The following ANKRD55 variants were observed in gnomAD, a reference collection of about 807,000 sequenced individuals.
ANKRD55 encodes ankyrin repeat domain-containing protein 55.
ANKRD55 carries 41 observed loss-of-function variants against 60.6 expected under a neutral mutation model. The ratio of observed to expected loss-of-function variants is 0.68; its 90% CI spans 0.53 to 0.88. ANKRD55 has a LOEUF of 0.88. Ranked by LOEUF, ANKRD55 falls within the 40% of genes least tolerant of loss-of-function variation. The probability of loss-of-function intolerance (pLI) is 0.00; values close to 1 mark genes in which losing one functional copy is unlikely to be tolerated. For synonymous variants in ANKRD55, 264 were observed against 290.3 expected (o/e 0.91, Z 0.92); for missense variants, 732 against 767.6 (o/e 0.95, Z 0.55).
At position 56,193,923 on chromosome 5, in the gene ANKRD55, T is replaced by C. The variant is rs147008749; in HGVS notation, c.59-10289A>G. 9.0e-3 allele frequency among the ~76,000 whole-genome samples: 1,368 copies of C among 152,340 alleles called. 20 individuals carry two copies. The highest frequency in any genetic ancestry group is 0.031 in the African/African-American group (1,304 of 41,574). On this transcript the variant is annotated intron_variant, in intron 2 of 11. Transcript: ENST00000341048. Reference sequence around the variant, plus strand: ...AGGAACTAGAAAAGAGATTTTGTTGTCTATTTTTGACCATCTGTATTATTG... The same window carrying C: ...AGGAACTAGAAAAGAGATTTTGTTGCCTATTTTTGACCATCTGTATTATTG...
At chr5:56,163,326 G>T (rs1189576506) in intron 5 of ANKRD55, among the ~76,000 whole-genome samples, 3 of 152,080 alleles carry the variant, frequency 2.0e-5, no homozygotes, top group Admixed American at 6.6e-5. Flanking sequence ...TTGCTGTTCT[G>T]TGGTATGGAG....
chr5:56,218,723 T>C (rs1415330587), intron 2 of ANKRD55, among the ~76,000 whole-genome samples: 1 of 152,136 alleles, frequency 6.6e-6, no homozygotes, highest in Non-Finnish European at 1.5e-5. Flanking sequence ...GGTATACCTG[T>C]ATTAGGTCAA....
At chr5:56,167,665 C>A (rs932367839) in intron 5 of ANKRD55, among the ~76,000 whole-genome samples, 2 of 152,164 alleles carry the variant, frequency 1.3e-5, no homozygotes, top group Non-Finnish European at 2.9e-5. Context: ...TAACTAACTA[C>A]GTCATCTGCA....
intron 2 of ANKRD55, among the ~76,000 whole-genome samples, chr5:56,197,682 A>G (rs1446275699): frequency 5.3e-5 from 8 of 152,142 alleles, no homozygotes; most frequent in Non-Finnish European, 8.8e-5. Context: ...TTCTAGTGGA[A>G]AGTTCATAGA....
chr5:56,111,632 C>T lies in ANKRD55; in HGVS notation c.1116G>A (p.Glu372=), dbSNP rs776216548. ...TGTCATTGACTTCTGAGGTGTCCTCCTCTCTGTATCGGTCCCTGCTGGGAT... is the reference window on the plus strand; with the variant it reads ...TGTCATTGACTTCTGAGGTGTCCTCTTCTCTGTATCGGTCCCTGCTGGGAT... The part of the protein sequence containing the change: ...QKDPSRDRYR[E]EDTSEVNDII... The change falls in exon 10 of 12, where the codon GAG becomes GAA. Residue 372 remains glutamate (E), a synonymous_variant. Transcript: ENST00000341048. 13 of 1,562,482 alleles carry T rather than the reference C, an allele frequency of 8.3e-6. No homozygotes were observed. In the South Asian group the frequency reaches 8.8e-5, roughly 11 times the overall value.
chr5:56,110,909 T>C (rs1580939961), intron 10 of ANKRD55: 2 of 597,176 alleles, frequency 3.3e-6, no homozygotes, highest in South Asian at 4.2e-5. Flanking sequence ...TTGTACTTGA[T>C]GATTACTTGA....
chr5:56,128,486 T>C (rs1473382127), intron 7 of ANKRD55, among the ~76,000 whole-genome samples: 5 of 152,208 alleles, frequency 3.3e-5, no homozygotes, highest in Non-Finnish European at 7.3e-5. Context: ...CCTCTCTGGA[T>C]AAGTAAAGAC....
chr5:56,229,348 G>A (rs1385586270), intron 2 of ANKRD55, among the ~76,000 whole-genome samples: 1 of 152,114 alleles, frequency 6.6e-6, no homozygotes, highest in Non-Finnish European at 1.5e-5. Context: ...TTGCTATGGT[G>A]AAAGCTGAAG....
At chr5:56,222,012 C>A (rs376785721) in intron 2 of ANKRD55, among the ~76,000 whole-genome samples, 1 of 152,160 alleles carries the variant, frequency 6.6e-6, no homozygotes, top group Non-Finnish European at 1.5e-5. Context: ...TCTCCCAGCA[C>A]GGAGTTTGAG....
chr5:56,140,270 C>T (rs1757724372), intron 7 of ANKRD55, among the ~76,000 whole-genome samples: 1 of 152,182 alleles, frequency 6.6e-6, no homozygotes, highest in Non-Finnish European at 1.5e-5. Flanking sequence ...ATAATGATTT[C>T]AGCTGACATT....
Position 56,100,088 on chromosome 5 carries a change from T to C in ANKRD55, c.*95A>G. The C allele has an allele frequency of 6.5e-7, 1 of 1,541,132 alleles. No individual in the cohort carries two copies. The highest frequency in any genetic ancestry group is 8.9e-7 in the Non-Finnish European group (1 of 1,121,036). ...TGATGGCTTATAGAATGCAGCTTAC[T>C]AAATTGGTCTTCGTTCTTACAAACT... On this transcript the variant is annotated 3_prime_UTR_variant, in exon 12 of 12. Transcript: ENST00000341048.
At chr5:56,215,225 G>A (rs995817064) in intron 2 of ANKRD55, among the ~76,000 whole-genome samples, 1 of 152,158 alleles carries the variant, frequency 6.6e-6, no homozygotes, top group African/African-American at 2.4e-5. Flanking sequence ...ATCTTCAGAA[G>A]CTTCCGTGAT....
chr5:56,167,446 T>C (rs1442858225), intron 5 of ANKRD55, among the ~76,000 whole-genome samples: 1 of 152,250 alleles, frequency 6.6e-6, no homozygotes. Flanking sequence ...TGAAATGTCA[T>C]TATGCAGCGT....
At chr5:56,101,867 T>A (rs1300087405) in intron 11 of ANKRD55, among the ~76,000 whole-genome samples, 3 of 152,152 alleles carry the variant, frequency 2.0e-5, no homozygotes, top group African/African-American at 7.2e-5. Flanking sequence ...AGGAAACTGA[T>A]ATCAGGAGGC....
intron 3 of ANKRD55, among the ~76,000 whole-genome samples, chr5:56,178,311 T>TC (rs938137446): frequency 9.2e-5 from 14 of 151,824 alleles, no homozygotes; most frequent in Non-Finnish European, 2.1e-4. Flanking sequence ...CACGTCAATG[T>TC]CTCAACGTAC....
At chr5:56,222,275 G>A (rs562077604) in intron 2 of ANKRD55, among the ~76,000 whole-genome samples, 1 of 152,330 alleles carries the variant, frequency 6.6e-6, no homozygotes, top group Admixed American at 6.5e-5. Context: ...CAGACCTGCA[G>A]CTGAGGGTCA....
chr5:56,192,979 C>G (rs1383101161), intron 2 of ANKRD55: 1 of 809,590 alleles, frequency 1.2e-6, no homozygotes, highest in Non-Finnish European at 1.9e-6. Context: ...ATGAGCTATA[C>G]TGGAAAACAA....
At chr5:56,170,837 C>G in intron 4 of ANKRD55, 34 bp from the exon 5 acceptor site, 1 of 1,582,168 alleles carries the variant, frequency 6.3e-7, no homozygotes, top group Non-Finnish European at 8.7e-7. Flanking sequence ...CATTATATAA[C>G]AGAAGCTCAC....
At chr5:56,169,788 T>G (rs1044862143) in intron 5 of ANKRD55, among the ~76,000 whole-genome samples, 2 of 152,288 alleles carry the variant, frequency 1.3e-5, no homozygotes, top group East Asian at 3.9e-4. Context: ...ATACTCCTTG[T>G]GCTGCTGGCC....
Sources: gnomAD v4.1 joint callset for allele counts (sites outside exome capture counted in the v4.1 genomes callset) on GRCh38, gnomAD v4.1.1 for gene constraint, MANE v1.5 for transcripts, NCBI Gene and HGNC (gene_info 2026-07-23, HGNC 2026-07-21) for gene names.